Variants in EBF1 observed in about 807,000 individuals in gnomAD.
EBF1 encodes transcription factor COE1.
A neutral mutation model predicts 68.4 loss-of-function variants in EBF1; 10 were observed. That is an observed-to-expected ratio of 0.15 (90% CI 0.09 to 0.25). EBF1 has a LOEUF of 0.25. Ranked by LOEUF, EBF1 falls within the 10% of genes least tolerant of loss-of-function variation. The pLI is 1.00. For missense variants in EBF1, 509 were observed against 794.4 expected (o/e 0.64, Z 4.32); for synonymous variants, 298 against 299.8 (o/e 0.99, Z 0.06).
At chr5:158,757,270 A>G (rs1191336071) in intron 10 of EBF1, among the ~76,000 whole-genome samples, 1 of 152,096 alleles carries the variant, frequency 6.6e-6, no homozygotes, top group East Asian at 1.9e-4. Flanking sequence ...TCAGTACAAT[A>G]CCACCCTGTT....
chr5:158,936,552 G>A (rs988593752), intron 6 of EBF1, among the ~76,000 whole-genome samples: 1 of 152,190 alleles, frequency 6.6e-6, no homozygotes, highest in Non-Finnish European at 1.5e-5. Flanking sequence ...GGTAGGCTTC[G>A]TAGGCTTACC....
chr5:158,997,383 G>A (rs10040979), intron 6 of EBF1, among the ~76,000 whole-genome samples: 92,832 of 151,982 alleles, frequency 0.61, 28,990 homozygotes, highest in South Asian at 0.8. Context: ...CACATTCTAC[G>A]TAGCTAAGTA....
intron 6 of EBF1, among the ~76,000 whole-genome samples, chr5:158,912,061 T>C (rs1412070798): frequency 4.6e-5 from 7 of 152,196 alleles, no homozygotes; most frequent in South Asian, 2.1e-4. Flanking sequence ...TCTATTTAAC[T>C]ATAAAGAACA....
chr5:158,794,207 ACC>A (rs1314105208), intron 9 of EBF1, among the ~76,000 whole-genome samples: 3 of 152,032 alleles, frequency 2.0e-5, no homozygotes, highest in Non-Finnish European at 4.4e-5. Context: ...ACCCACCCTG[ACC>A]CCTGGGACAG....
At chr5:158,787,052 G>T (rs776627547) in intron 9 of EBF1, among the ~76,000 whole-genome samples, 1 of 152,192 alleles carries the variant, frequency 6.6e-6, no homozygotes, top group African/African-American at 2.4e-5. Context: ...CTCACTTAAC[G>T]TGTTCATTCA....
chr5:159,095,782 A>G (rs1016244448), intron 3 of EBF1, 107 bp from the exon 4 acceptor site: 4 of 1,182,214 alleles, frequency 3.4e-6, no homozygotes, highest in Non-Finnish European at 2.4e-6. Flanking sequence ...CCCCACACAC[A>G]TATCACGAAA....
chr5:158,942,798 G>A (rs1447420533), intron 6 of EBF1, among the ~76,000 whole-genome samples: 1 of 150,778 alleles, frequency 6.6e-6, no homozygotes, highest in Admixed American at 6.6e-5. Flanking sequence ...CTCCAGAAGA[G>A]AATAGTAGAA....
chr5:158,956,176 AGTCTTGT>A (rs1817034038), intron 6 of EBF1, among the ~76,000 whole-genome samples: 1 of 152,034 alleles, frequency 6.6e-6, no homozygotes, highest in Non-Finnish European at 1.5e-5. Flanking sequence ...TCCAGTCCAC[AGTCTTGT>A]AGTACCAAGG....
At chr5:158,978,126 A>G (rs1247814189) in intron 6 of EBF1, among the ~76,000 whole-genome samples, 1 of 152,182 alleles carries the variant, frequency 6.6e-6, no homozygotes. Flanking sequence ...ACAGGGGGAA[A>G]ATTTTTGATG....
At chr5:158,864,588 G>A (rs1016950205) in intron 6 of EBF1, among the ~76,000 whole-genome samples, 3 of 151,926 alleles carry the variant, frequency 2.0e-5, no homozygotes, top group Admixed American at 6.6e-5. Flanking sequence ...CTTTCTAGTG[G>A]GGAAAAAAGA....
At chr5:158,796,960 T>C (rs1000664613) in intron 8 of EBF1, among the ~76,000 whole-genome samples, 4 of 152,202 alleles carry the variant, frequency 2.6e-5, no homozygotes, top group African/African-American at 7.2e-5. Context: ...CCATGCCTTC[T>C]GTCTGAAACA....
intron 6 of EBF1, among the ~76,000 whole-genome samples, chr5:158,944,303 G>C (rs1426835784): frequency 6.6e-6 from 1 of 152,094 alleles, no homozygotes; most frequent in Admixed American, 6.6e-5. Flanking sequence ...CCAAGTATGA[G>C]TGAGAACATG....
chr5:158,940,753 T>TCC (rs1561573370), intron 6 of EBF1, among the ~76,000 whole-genome samples: 3 of 7,650 alleles, frequency 3.9e-4, no homozygotes, highest in Non-Finnish European at 3.2e-4. Context: ...TGCACCCCCT[T>TCC]CACCCCACCG....
At chr5:159,036,177 G>A (rs187252388) in intron 6 of EBF1, among the ~76,000 whole-genome samples, 21 of 152,272 alleles carry the variant, frequency 1.4e-4, no homozygotes, top group African/African-American at 3.9e-4. Flanking sequence ...CTCAATTGTC[G>A]CATCAGGGAT....
At chr5:159,057,071 G>A (rs1048452635) in intron 6 of EBF1, among the ~76,000 whole-genome samples, 18 of 150,064 alleles carry the variant, frequency 1.2e-4, no homozygotes, top group Non-Finnish European at 2.2e-4. Context: ...TCCTCCCTGT[G>A]ACTGTTATAA....
intron 6 of EBF1, chr5:158,986,854 T>C (rs1256491337): frequency 1.3e-5 from 2 of 152,224 alleles, no homozygotes; most frequent in Non-Finnish European, 2.9e-5. Flanking sequence ...TTTCTATAAC[T>C]TTGCATGTGC....
intron 6 of EBF1, among the ~76,000 whole-genome samples, chr5:158,844,686 GCCAAT>G (rs1478919818): frequency 6.6e-6 from 1 of 152,160 alleles, no homozygotes; most frequent in East Asian, 1.9e-4. Context: ...AGCTTCTCAA[GCCAAT>G]CCTGTAAGAG....
chr5:159,097,937 A>G (rs536159026), intron 1 of EBF1, among the ~76,000 whole-genome samples: 3 of 152,158 alleles, frequency 2.0e-5, no homozygotes, highest in Non-Finnish European at 4.4e-5. Context: ...ACAGGCACAC[A>G]CACACACATA....
Position 159,041,983 on chromosome 5 carries a change from T to A in EBF1, c.554+31413A>T, listed in dbSNP as rs1771288895. On this transcript the variant is annotated intron_variant, in intron 6 of 15. Transcript: ENST00000313708. ...CTGATCTATCCAAAAGAGAAAAAAA[T>A]TAGAGAGAGTGTCACAGTGGAATTT... is the stretch of plus-strand genomic sequence containing the variant. Among the ~76,000 whole-genome samples, 5 of 152,014 alleles carry A rather than the reference T, an allele frequency of 3.3e-5. No homozygotes were observed. The South Asian group carries it at 6.2e-4, about 19-fold the overall frequency.
Sources: gnomAD v4.1 joint callset for allele counts (sites outside exome capture counted in the v4.1 genomes callset) on GRCh38, gnomAD v4.1.1 for gene constraint, MANE v1.5 for transcripts, NCBI Gene and HGNC (gene_info 2026-07-23, HGNC 2026-07-21) for gene names.